The following TSPEAR variants were observed in gnomAD, a reference collection of about 807,000 sequenced individuals.
TSPEAR encodes thrombospondin type laminin G domain and EAR repeats.
A neutral mutation model predicts 71.6 loss-of-function variants in TSPEAR; 69 were observed. The ratio of observed to expected loss-of-function variants is 0.96; its 90% CI spans 0.79 to 1.18. The LOEUF is 1.18. Among genes scored for constraint, TSPEAR ranks in the 50% most tolerant of loss-of-function variants. TSPEAR has a pLI of 0.00. For synonymous variants in TSPEAR, 402 were observed against 387.2 expected (o/e 1.04, Z -0.45); for missense variants, 971 against 894.9 (o/e 1.09, Z -1.09).
At chr21:44,631,612 G>A (rs1983261693) in intron 1 of TSPEAR, among the ~76,000 whole-genome samples, 2 of 152,186 alleles carry the variant, frequency 1.3e-5, no homozygotes, top group African/African-American at 4.8e-5. Context: ...TGTAATCTCA[G>A]CTACTCGGGA....
chr21:44,539,974 C>T (rs374732005), intron 2 of TSPEAR: 13 of 1,613,262 alleles, frequency 8.1e-6, no homozygotes, highest in Admixed American at 3.3e-5. Flanking sequence ...CACAGGCTGC[C>T]TGGCAGCAGG....
chr21:44,533,095 T>A (rs2053006189), intron 3 of TSPEAR, among the ~76,000 whole-genome samples: 1 of 152,248 alleles, frequency 6.6e-6, no homozygotes, highest in Admixed American at 6.5e-5. Context: ...GTGATCGCCC[T>A]TACCTTGTTC....
intron 8 of TSPEAR, among the ~76,000 whole-genome samples, chr21:44,525,314 C>T (rs1453355564): frequency 6.6e-6 from 1 of 152,078 alleles, no homozygotes; most frequent in Non-Finnish European, 1.5e-5. Context: ...AGTCAGTCAT[C>T]AGGTAATTAG....
At chr21:44,645,649 G>A (rs1252052115) in intron 1 of TSPEAR, among the ~76,000 whole-genome samples, 2 of 152,022 alleles carry the variant, frequency 1.3e-5, no homozygotes, top group African/African-American at 4.8e-5. Context: ...ACCACGCTCA[G>A]CCAGCTTCCT....
Position 44,499,550 on chromosome 21 carries a change from G to C in TSPEAR, c.*233C>G. ...TGGGCGAGCACTGGCAGGGGCTCTG[G>C]GCCTCTGCCTGCAAGACCAGACCGT... On this transcript the variant is annotated 3_prime_UTR_variant, in exon 12 of 12. Transcript: ENST00000323084. 2.0e-6 allele frequency: 1 copy of C among 508,612 alleles called. No individual in the cohort carries two copies. The highest frequency in any genetic ancestry group is 3.4e-6 in the Non-Finnish European group (1 of 291,282). The allele number at this position is 508,612 out of a possible 1,614,324, so 31.5% of individuals were successfully genotyped here. A position where few individuals can be genotyped will look rare whatever the true frequency, so the allele number is the denominator to read the frequency against.
intron 1 of TSPEAR, among the ~76,000 whole-genome samples, chr21:44,624,864 T>A (rs1230637396): frequency 6.6e-6 from 1 of 152,194 alleles, no homozygotes; most frequent in Non-Finnish European, 1.5e-5. Flanking sequence ...CTGTGCACTT[T>A]CCCTCTAATA....
chr21:44,655,578 T>C (rs1274114241), intron 1 of TSPEAR, among the ~76,000 whole-genome samples: 1 of 152,174 alleles, frequency 6.6e-6, no homozygotes, highest in Non-Finnish European at 1.5e-5. Context: ...TCATATCTGG[T>C]TCCTCTCCCT....
In TSPEAR at chr21:44,528,540, G is replaced by A. The variant is rs781833151; in HGVS notation, c.834C>T (p.Thr278=). The A allele has an allele frequency of 1.9e-5, 30 of 1,613,988 alleles. No individual in the cohort carries two copies. The highest frequency in any genetic ancestry group is 2.5e-5 in the Non-Finnish European group (29 of 1,180,040). The change falls in exon 6 of 12, where the codon ACC becomes ACT. Residue 278 remains threonine, a synonymous_variant. Coordinates refer to ENST00000323084, the MANE Select transcript of TSPEAR (RefSeq NM_144991.3). ...ACCAGAACTGGGCGTCTTCCACCTC[G>A]GTACACGGTGGCTGGGGTCCCAGCG... ...RVTLGPQPPC[T]EVEDAQFWFD... is the part of the protein sequence containing the mutation.
At chr21:44,702,267 G>T (rs530054017) in intron 1 of TSPEAR, 320 of 1,607,210 alleles carry the variant, frequency 2.0e-4, no homozygotes, top group Non-Finnish European at 2.6e-4. Flanking sequence ...ACTGCCCGGA[G>T]AGCTGCTGCG....
chr21:44,515,211 ATGT>A (rs1306608847), intron 9 of TSPEAR, among the ~76,000 whole-genome samples: 30 of 152,276 alleles, frequency 2.0e-4, no homozygotes, highest in Admixed American at 2.0e-3. Flanking sequence ...AATGTGAGAA[ATGT>A]TGGCAAAACA....
At chr21:44,525,479 GACC>G (rs2052835778) in intron 8 of TSPEAR, among the ~76,000 whole-genome samples, 171 bp downstream of exon 8, 1 of 152,342 alleles carries the variant, frequency 6.6e-6, no homozygotes, top group African/African-American at 2.4e-5. Context: ...GTGCCCCAGG[GACC>G]ACCAGTAGAT....
At chr21:44,508,296 C>T (rs7275190) in intron 10 of TSPEAR, 3,681 of 180,808 alleles carry the variant, frequency 0.02, 174 homozygotes, top group African/African-American at 0.083. Context: ...CTCTTCCCCT[C>T]GAAGGGTCTA....
intron 3 of TSPEAR, among the ~76,000 whole-genome samples, 176 bp downstream of exon 3, chr21:44,533,509 G>A (rs2053017390): frequency 6.6e-6 from 1 of 151,606 alleles, no homozygotes; most frequent in Non-Finnish European, 1.5e-5. Flanking sequence ...CCTGGCCCCT[G>A]GTCGGCTCCT....
At chr21:44,689,945 T>A (rs1435783290) in intron 1 of TSPEAR, among the ~76,000 whole-genome samples, 1 of 151,714 alleles carries the variant, frequency 6.6e-6, no homozygotes, top group Non-Finnish European at 1.5e-5. Flanking sequence ...ATTTTTTCTG[T>A]CTGCTTTATA....
At chr21:44,581,840 C>G (rs587664125) in intron 1 of TSPEAR, among the ~76,000 whole-genome samples, 1 of 152,152 alleles carries the variant, frequency 6.6e-6, no homozygotes, top group African/African-American at 2.4e-5. Flanking sequence ...TCATTGGTGG[C>G]AGTTCATTTG....
Position 44,657,977 on chromosome 21 carries a change from A to G in TSPEAR, c.82+53456T>C, listed in dbSNP as rs782518017. 2.5e-5 allele frequency: 40 copies of G among 1,612,042 alleles called. No homozygotes were observed. The East Asian group carries it at 8.9e-4, about 36-fold the overall frequency. On this transcript the variant is annotated intron_variant, in intron 1 of 11. Coordinates refer to ENST00000323084, the MANE Select transcript of TSPEAR (RefSeq NM_144991.3). ...CCCAGTACCAGCCCAGCCACACGCCACCATGTGCCACACCAGCTGCTCCCC... is the reference window on the plus strand; with the variant it reads ...CCCAGTACCAGCCCAGCCACACGCCGCCATGTGCCACACCAGCTGCTCCCC...
chr21:44,668,663 A>G (rs1283536009), intron 1 of TSPEAR, among the ~76,000 whole-genome samples: 1 of 152,240 alleles, frequency 6.6e-6, no homozygotes, highest in Non-Finnish European at 1.5e-5. Context: ...ACACTAATCA[A>G]AACTGTGGTA....
At chr21:44,588,873 T>C (rs1358531759) in intron 1 of TSPEAR, among the ~76,000 whole-genome samples, 3 of 151,822 alleles carry the variant, frequency 2.0e-5, no homozygotes, top group Non-Finnish European at 2.9e-5. Flanking sequence ...GATTGGAGAT[T>C]ATTATTCTAA....
At chr21:44,602,607 A>G (rs983855460) in intron 1 of TSPEAR, among the ~76,000 whole-genome samples, 1 of 152,190 alleles carries the variant, frequency 6.6e-6, no homozygotes, top group Non-Finnish European at 1.5e-5. Context: ...TGTTTGTACC[A>G]TGTGGTTTAG....
Sources: allele counts gnomAD v4.1 joint callset (sites outside exome capture counted in the v4.1 genomes callset), GRCh38; gene constraint gnomAD v4.1.1; transcripts MANE v1.5; gene names NCBI Gene and HGNC (gene_info 2026-07-23, HGNC 2026-07-21).